The following ARK2C variants were observed in gnomAD, a reference collection of about 807,000 sequenced individuals.
The protein encoded by ARK2C is arkadia (RNF111) C-terminal like ring finger ubiquitin ligase 2C.
the ARK2C span, among the ~76,000 whole-genome samples, chr18:46,339,264 C>G: frequency 2.6e-5 from 4 of 152,250 alleles, no homozygotes; most frequent in East Asian, 3.9e-4. Flanking sequence ...TCATATTTGC[C>G]CTAGAGAACA....
the ARK2C span, among the ~76,000 whole-genome samples, chr18:46,453,028 C>T: frequency 1.3e-5 from 2 of 152,178 alleles, no homozygotes; most frequent in Non-Finnish European, 2.9e-5. Context: ...ACTAAGTGCC[C>T]AGGAATGGTG....
the ARK2C span, among the ~76,000 whole-genome samples, chr18:46,380,052 T>C: frequency 1.5e-3 from 227 of 152,214 alleles, 1 homozygote; most frequent in Non-Finnish European, 2.5e-3. Flanking sequence ...AGTTTCCCCA[T>C]CCATGAGCTC....
the ARK2C span, among the ~76,000 whole-genome samples, chr18:46,389,609 G>C: frequency 6.6e-6 from 1 of 152,122 alleles, no homozygotes; most frequent in Non-Finnish European, 1.5e-5. Flanking sequence ...ATCCCTCATC[G>C]CTTCTCCAAA....
At chr18:46,425,025 C>T in the ARK2C span, among the ~76,000 whole-genome samples, 5 of 152,230 alleles carry the variant, frequency 3.3e-5, no homozygotes, top group African/African-American at 4.8e-5. Context: ...TTTCTCCCTG[C>T]CCCTCCCTGG....
chr18:46,399,975 T>G, the ARK2C span, among the ~76,000 whole-genome samples: 19,794 of 152,100 alleles, frequency 0.13, 1,391 homozygotes, highest in East Asian at 0.28. Context: ...GTGGCTCAGG[T>G]TTAGTGAGGT....
the ARK2C span, among the ~76,000 whole-genome samples, chr18:46,444,659 C>T: frequency 4.0e-5 from 6 of 149,052 alleles, no homozygotes; most frequent in African/African-American, 9.9e-5. Context: ...TTTTTGTAGA[C>T]GTGATATCCC....
the ARK2C span, among the ~76,000 whole-genome samples, chr18:46,358,236 C>A: frequency 6.6e-6 from 1 of 152,138 alleles, no homozygotes. Flanking sequence ...GAGAAAAGGG[C>A]ATGTTTTGCG....
the ARK2C span, chr18:46,334,506 C>A: frequency 1.9e-6 from 1 of 531,184 alleles, no homozygotes; most frequent in South Asian, 3.1e-5. This position sits in a 1 kb window ranked among gnomAD's most constrained non-coding sequence, Gnocchi z 4.4. Context: ...GTGGGGGCGG[C>A]CGCCCTCGTG....
the ARK2C span, among the ~76,000 whole-genome samples, chr18:46,431,608 A>G: frequency 6.6e-6 from 1 of 152,126 alleles, no homozygotes; most frequent in Non-Finnish European, 1.5e-5. Context: ...CCAAAGTTCC[A>G]TATTCAGACT....
chr18:46,334,671 C>A, the ARK2C span: 15 of 303,564 alleles, frequency 4.9e-5, no homozygotes, highest in East Asian at 2.1e-4. The surrounding 1 kb of genome is among the most constrained non-coding windows in gnomAD (Gnocchi z 4.4). Context: ...GATACATGAC[C>A]GTGTGTGTGT....
At chr18:46,338,969 C>G in the ARK2C span, among the ~76,000 whole-genome samples, 3 of 152,188 alleles carry the variant, frequency 2.0e-5, no homozygotes, top group Non-Finnish European at 2.9e-5. Context: ...TCCTCTCCCC[C>G]CATGGCTGCC....
chr18:46,378,011 C>T, the ARK2C span, among the ~76,000 whole-genome samples: 3 of 152,036 alleles, frequency 2.0e-5, no homozygotes, highest in African/African-American at 7.3e-5. Flanking sequence ...GTTTAAGAGG[C>T]ATTTGGGAAG....
chr18:46,447,461 G>T, the ARK2C span: 1 of 1,272,840 alleles, frequency 7.9e-7, no homozygotes, highest in Non-Finnish European at 1.1e-6. Flanking sequence ...CTCTGGCAGG[G>T]TGTCACTCCA....
At chr18:46,430,103 T>C in the ARK2C span, among the ~76,000 whole-genome samples, 232 of 152,340 alleles carry the variant, frequency 1.5e-3, 1 homozygote, top group African/African-American at 5.2e-3. Flanking sequence ...TTGTTGTTCC[T>C]CTTTCTTGGT....
the ARK2C span, among the ~76,000 whole-genome samples, chr18:46,369,948 C>G: frequency 1.3e-5 from 2 of 151,274 alleles, no homozygotes; most frequent in Non-Finnish European, 2.9e-5. Context: ...CACACACACA[C>G]GCACACACGC....
the ARK2C span, among the ~76,000 whole-genome samples, chr18:46,426,880 A>G: frequency 3.3e-5 from 5 of 152,238 alleles, no homozygotes; most frequent in African/African-American, 1.2e-4. Flanking sequence ...AGTAACTCTA[A>G]CAGGGAAAAT....
chr18:46,360,768 G>A, the ARK2C span, among the ~76,000 whole-genome samples: 14 of 152,278 alleles, frequency 9.2e-5, no homozygotes, highest in East Asian at 2.7e-3. Flanking sequence ...CTGGGCACAC[G>A]AGGCGGGTAT....
At chr18:46,421,064 T>G in the ARK2C span, among the ~76,000 whole-genome samples, 1 of 152,230 alleles carries the variant, frequency 6.6e-6, no homozygotes, top group Non-Finnish European at 1.5e-5. Flanking sequence ...GTTTTGGGTC[T>G]GAAATTGCTT....
At chr18:46,455,880 A>T in the ARK2C span, 1 of 694,708 alleles carries the variant, frequency 1.4e-6, no homozygotes, top group Non-Finnish European at 2.5e-6. Flanking sequence ...AAAAAACCTG[A>T]CTCCCAGGGG....
Sources: gnomAD v4.1 joint callset for allele counts (sites outside exome capture counted in the v4.1 genomes callset) on GRCh38, gnomAD v4.1.1 for gene constraint, Gnocchi (gnomAD v3.1) non-coding constraint, MANE v1.5 for transcripts, NCBI Gene and HGNC (gene_info 2026-07-23, HGNC 2026-07-21) for gene names.